Variants in LRRC7 observed in about 807,000 individuals in gnomAD.
The protein encoded by LRRC7 is leucine-rich repeat-containing protein 7.
Under a neutral mutation model 175.7 loss-of-function variants are expected in LRRC7, and 23 were observed. The ratio of observed to expected loss-of-function variants is 0.13; its 90% CI spans 0.09 to 0.19. The LOEUF (loss-of-function observed/expected upper bound fraction) is 0.19, where lower values mean the gene tolerates loss of function less well. Ranked by LOEUF, LRRC7 falls within the 10% of genes least tolerant of loss-of-function variation. The pLI, the probability that LRRC7 is intolerant of heterozygous loss-of-function variation, is 1.00. For synonymous variants in LRRC7, 685 were observed against 680.9 expected, an observed-to-expected ratio of 1.01 and a Z score of -0.09; for missense variants, 1,354 against 1,904.7, an observed-to-expected ratio of 0.71 and a Z score of 5.38.
At chr1:69,914,286 G>A (rs1359273966) in intron 7 of LRRC7, among the ~76,000 whole-genome samples, 1 of 152,086 alleles carries the variant, frequency 6.6e-6, no homozygotes, top group Non-Finnish European at 1.5e-5. Context: ...AGAGGTAATC[G>A]TACATTTAAA....
At chr1:69,931,007 A>C (rs557241812) in intron 7 of LRRC7, among the ~76,000 whole-genome samples, 6 of 152,342 alleles carry the variant, frequency 3.9e-5, no homozygotes, top group Non-Finnish European at 7.3e-5. Flanking sequence ...TGTGACAACT[A>C]TTCATAGCTA....
chr1:70,090,930 A>AC (rs1304138547), intron 25 of LRRC7, among the ~76,000 whole-genome samples: 2 of 151,796 alleles, frequency 1.3e-5, no homozygotes, highest in Non-Finnish European at 2.9e-5. Context: ...TACTCTTCCT[A>AC]CCCTTCTTCC....
At chr1:69,786,823 C>A (rs1337964430) in intron 3 of LRRC7, among the ~76,000 whole-genome samples, 1 of 152,108 alleles carries the variant, frequency 6.6e-6, no homozygotes, top group Non-Finnish European at 1.5e-5. Context: ...ACAGCCAAAC[C>A]ATATCATTCT....
intron 23 of LRRC7, among the ~76,000 whole-genome samples, chr1:70,061,315 C>A (rs1476012358): frequency 1.3e-5 from 2 of 152,120 alleles, no homozygotes; most frequent in Non-Finnish European, 2.9e-5. Flanking sequence ...GAAAAGGGAT[C>A]TTTTGAGTCA....
chr1:69,602,623 A>G (rs1026513095), intron 1 of LRRC7, among the ~76,000 whole-genome samples: 1 of 152,170 alleles, frequency 6.6e-6, no homozygotes, highest in Non-Finnish European at 1.5e-5. Context: ...ACCAACAAAA[A>G]TGTATTCTTT....
chr1:70,075,217 T>C (rs1379405361), intron 23 of LRRC7, among the ~76,000 whole-genome samples: 1 of 152,182 alleles, frequency 6.6e-6, no homozygotes, highest in Non-Finnish European at 1.5e-5. Context: ...TAGAAAGGCA[T>C]ATTCTGGCTT....
intron 9 of LRRC7, among the ~76,000 whole-genome samples, chr1:69,981,718 ACCAAT>A (rs1320031115): frequency 1.3e-5 from 2 of 152,214 alleles, no homozygotes; most frequent in Non-Finnish European, 2.9e-5. Flanking sequence ...CGAGACACTT[ACCAAT>A]CCCTGTGCAA....
At chr1:69,614,439 A>G (rs1019984357) in intron 1 of LRRC7, among the ~76,000 whole-genome samples, 1 of 151,998 alleles carries the variant, frequency 6.6e-6, no homozygotes, top group Admixed American at 6.6e-5. Context: ...GTGTATCGCT[A>G]TTTTCTTTGC....
intron 11 of LRRC7, among the ~76,000 whole-genome samples, chr1:70,005,680 T>A (rs911510717): frequency 2.1e-4 from 32 of 152,198 alleles, no homozygotes; most frequent in Non-Finnish European, 4.1e-4. Flanking sequence ...TATGTCTATT[T>A]TATGTGTTTA....
chr1:69,935,782 T>C (rs1647949299), intron 8 of LRRC7, among the ~76,000 whole-genome samples: 3 of 152,180 alleles, frequency 2.0e-5, no homozygotes, highest in Admixed American at 2.0e-4. Context: ...CTTTTTATTT[T>C]CTACCTGGTA....
chr1:70,035,831 G>T (rs184586104), intron 18 of LRRC7, among the ~76,000 whole-genome samples: 1 of 151,890 alleles, frequency 6.6e-6, no homozygotes, highest in African/African-American at 2.4e-5. Context: ...CTCCCAGAGG[G>T]CACCAGCCAC....
chr1:69,792,851 T>G (rs1334554076), intron 4 of LRRC7, among the ~76,000 whole-genome samples: 2 of 152,038 alleles, frequency 1.3e-5, no homozygotes, highest in Non-Finnish European at 1.5e-5. Flanking sequence ...TCCTGAGTAT[T>G]TATGGGAGTG....
At chr1:69,738,809 G>A (rs1476346165) in intron 2 of LRRC7, among the ~76,000 whole-genome samples, 2 of 151,934 alleles carry the variant, frequency 1.3e-5, no homozygotes, top group African/African-American at 4.8e-5. Flanking sequence ...TTTGAATCTT[G>A]GCAGACGGAG....
chr1:69,737,662 A>C (rs1469512280), intron 2 of LRRC7, among the ~76,000 whole-genome samples: 1 of 151,994 alleles, frequency 6.6e-6, no homozygotes, highest in Non-Finnish European at 1.5e-5. Context: ...GTTTACTTCT[A>C]TGTAGTGGTC....
chr1:69,651,663 G>A (rs1006184291), intron 1 of LRRC7, among the ~76,000 whole-genome samples: 1 of 152,112 alleles, frequency 6.6e-6, no homozygotes, highest in Admixed American at 6.5e-5. Context: ...TGAGCACAAA[G>A]CTGGGAACAC....
intron 7 of LRRC7, among the ~76,000 whole-genome samples, chr1:69,848,391 G>T (rs193023007): frequency 6.6e-6 from 1 of 152,156 alleles, no homozygotes; most frequent in African/African-American, 2.4e-5. Context: ...TTGAGGGACT[G>T]ATTTTCACCA....
intron 7 of LRRC7, among the ~76,000 whole-genome samples, chr1:69,922,940 T>C (rs1272863229): frequency 6.6e-6 from 1 of 151,998 alleles, no homozygotes; most frequent in African/African-American, 2.4e-5. Flanking sequence ...TAGGTATACC[T>C]CCTAATGCTA....
chr1:69,762,438 G>A (rs1475820720), intron 3 of LRRC7, among the ~76,000 whole-genome samples: 2 of 151,988 alleles, frequency 1.3e-5, no homozygotes, highest in African/African-American at 2.4e-5. Flanking sequence ...ATTGTAGAGC[G>A]TATGTATAGA....
intron 1 of LRRC7, among the ~76,000 whole-genome samples, chr1:69,655,879 T>C (rs1461689746): frequency 6.6e-6 from 1 of 152,040 alleles, no homozygotes; most frequent in Non-Finnish European, 1.5e-5. Context: ...TGGCCCAATG[T>C]TGTAAATAAG....
Sources: gnomAD v4.1 joint callset for allele counts (sites outside exome capture counted in the v4.1 genomes callset) on GRCh38, gnomAD v4.1.1 for gene constraint, MANE v1.5 for transcripts, NCBI Gene and HGNC (gene_info 2026-07-23, HGNC 2026-07-21) for gene names.